MAF: variants seen among roughly 807,000 people sequenced by gnomAD.
The protein encoded by MAF is transcription factor Maf.
Under a neutral mutation model 22.0 loss-of-function variants are expected in MAF, and 10 were observed. The ratio of observed to expected loss-of-function variants is 0.45; its 90% CI spans 0.28 to 0.77. The LOEUF (loss-of-function observed/expected upper bound fraction) is 0.77, where lower values mean the gene tolerates loss of function less well. Among genes scored for constraint, MAF ranks in the 30% least tolerant of loss-of-function variants. The pLI is 0.12. For synonymous variants in MAF, 337 were observed against 255.8 expected, an observed-to-expected ratio of 1.32 and a Z score of -3.03; for missense variants, 544 against 548.4, an observed-to-expected ratio of 0.99 and a Z score of 0.08.
chr16:79,407,162 T>C, the MAF span, among the ~76,000 whole-genome samples: 2 of 152,138 alleles, frequency 1.3e-5, no homozygotes, highest in Admixed American at 1.3e-4. Context: ...GTCCTGAACA[T>C]TAACCATCCC....
At chr16:79,554,731 G>A in the MAF span, among the ~76,000 whole-genome samples, 3 of 152,064 alleles carry the variant, frequency 2.0e-5, no homozygotes, top group Non-Finnish European at 2.9e-5. Context: ...AATGACCTTC[G>A]GGGAAGCTCC....
the MAF span, among the ~76,000 whole-genome samples, chr16:79,540,464 G>C: frequency 6.6e-6 from 1 of 152,058 alleles, no homozygotes; most frequent in South Asian, 2.1e-4. Context: ...GGGCATCCAC[G>C]CACCAAAAGA....
chr16:79,212,084 C>G, the MAF span: 2 of 1,536,278 alleles, frequency 1.3e-6, no homozygotes, highest in Non-Finnish European at 1.7e-6. Flanking sequence ...CCGTATCTCC[C>G]TGGAGAAGCA....
At chr16:79,422,556 G>T in the MAF span, among the ~76,000 whole-genome samples, 1 of 152,118 alleles carries the variant, frequency 6.6e-6, no homozygotes, top group African/African-American at 2.4e-5. Flanking sequence ...GAGACAGCTT[G>T]CTCCATGCAC....
At chr16:79,514,172 C>G in the MAF span, among the ~76,000 whole-genome samples, 1 of 152,244 alleles carries the variant, frequency 6.6e-6, no homozygotes, top group Admixed American at 6.5e-5. Context: ...GAAATAAGCT[C>G]TTCCGGCTTG....
At chr16:79,375,180 G>A in the MAF span, among the ~76,000 whole-genome samples, 3 of 152,210 alleles carry the variant, frequency 2.0e-5, no homozygotes, top group Non-Finnish European at 4.4e-5. Flanking sequence ...TTCAGAAGAA[G>A]CAATCTCTTT....
the MAF span, among the ~76,000 whole-genome samples, chr16:79,397,548 A>T: frequency 2.6e-5 from 4 of 152,292 alleles, no homozygotes; most frequent in South Asian, 8.3e-4. Flanking sequence ...TTGTTAAAAC[A>T]TTTTTTTAAC....
the MAF span, among the ~76,000 whole-genome samples, chr16:79,373,016 A>C: frequency 2.6e-5 from 4 of 152,092 alleles, no homozygotes; most frequent in Non-Finnish European, 5.9e-5. Context: ...CCTGTAAAAT[A>C]TATGCGGGAC....
At chr16:79,500,625 A>G in the MAF span, among the ~76,000 whole-genome samples, 2 of 152,060 alleles carry the variant, frequency 1.3e-5, no homozygotes, top group African/African-American at 2.4e-5. Context: ...AAAAGTACAC[A>G]AAGTTCTGTT....
At chr16:79,561,356 T>C in the MAF span, among the ~76,000 whole-genome samples, 5 of 152,114 alleles carry the variant, frequency 3.3e-5, 1 homozygote, top group African/African-American at 1.2e-4. Context: ...AGGGTACATG[T>C]GCACAACGTG....
the MAF span, among the ~76,000 whole-genome samples, chr16:79,425,651 G>T: frequency 6.9e-6 from 1 of 144,300 alleles, no homozygotes; most frequent in Non-Finnish European, 1.5e-5. Flanking sequence ...CATATATGGA[G>T]CATCAATTTA....
chr16:79,427,593 C>A, the MAF span, among the ~76,000 whole-genome samples: 1 of 152,122 alleles, frequency 6.6e-6, no homozygotes, highest in African/African-American at 2.4e-5. Flanking sequence ...GGGTGCACAG[C>A]CAGGAATGCT....
At chr16:79,232,159 C>G in the MAF span, among the ~76,000 whole-genome samples, 2 of 152,076 alleles carry the variant, frequency 1.3e-5, no homozygotes, top group Non-Finnish European at 2.9e-5. Context: ...CAGTTCCTAA[C>G]AGGCCATGGA....
At chr16:79,310,521 C>G in the MAF span, among the ~76,000 whole-genome samples, 1 of 152,220 alleles carries the variant, frequency 6.6e-6, no homozygotes, top group African/African-American at 2.4e-5. Context: ...GCTTTCACAT[C>G]TGGAGTTCAG....
At chr16:79,304,398 A>G in the MAF span, among the ~76,000 whole-genome samples, 1 of 152,204 alleles carries the variant, frequency 6.6e-6, no homozygotes, top group East Asian at 1.9e-4. Context: ...CAGAAAGGAA[A>G]TGTGGACTCT....
At chr16:79,498,283 G>A in the MAF span, among the ~76,000 whole-genome samples, 12 of 152,330 alleles carry the variant, frequency 7.9e-5, no homozygotes, top group East Asian at 5.8e-4. Flanking sequence ...GGCTCTGGTC[G>A]TTGTAGCAGG....
the MAF span, among the ~76,000 whole-genome samples, chr16:79,525,597 C>T: frequency 6.6e-6 from 1 of 152,174 alleles, no homozygotes; most frequent in African/African-American, 2.4e-5. Flanking sequence ...AAAAATTAAT[C>T]CTTTAATGTA....
chr16:79,279,291 G>A, the MAF span, among the ~76,000 whole-genome samples: 1 of 152,114 alleles, frequency 6.6e-6, no homozygotes, highest in Non-Finnish European at 1.5e-5. Flanking sequence ...ACCTCCTTGA[G>A]CTTCACTGTC....
chr16:79,458,644 T>C, the MAF span, among the ~76,000 whole-genome samples: 1 of 152,228 alleles, frequency 6.6e-6, no homozygotes, highest in Non-Finnish European at 1.5e-5. Context: ...TAAGCATGAA[T>C]TGTCCTTTTA....
Sources: allele counts gnomAD v4.1 joint callset (sites outside exome capture counted in the v4.1 genomes callset), GRCh38; gene constraint gnomAD v4.1.1; transcripts MANE v1.5; gene names NCBI Gene and HGNC (gene_info 2026-07-23, HGNC 2026-07-21).